ATRNL1: variants seen among roughly 807,000 people sequenced by gnomAD.
ATRNL1 encodes the protein attractin like 1, also known as attractin-like protein 1.
In ATRNL1, 95 loss-of-function variants were observed where a neutral mutation model predicts 182.7. That is an observed-to-expected ratio of 0.52 (90% CI 0.44 to 0.62). The LOEUF is 0.62. Among genes scored for constraint, ATRNL1 ranks in the 20% least tolerant of loss-of-function variants. The pLI is 0.00. For missense variants in ATRNL1, 1,471 were observed against 1,679.5 expected (o/e 0.88, Z 2.17); for synonymous variants, 576 against 568.3 (o/e 1.01, Z -0.19).
At chr10:115,532,895 T>G (rs1554988805) in intron 25 of ATRNL1, among the ~76,000 whole-genome samples, 2 of 152,114 alleles carry the variant, frequency 1.3e-5, no homozygotes, top group African/African-American at 4.8e-5. Context: ...TCTTTGGTTC[T>G]GTTTATATGC....
intron 26 of ATRNL1, among the ~76,000 whole-genome samples, chr10:115,612,922 C>T (rs564607023): frequency 6.6e-6 from 1 of 152,284 alleles, no homozygotes; most frequent in South Asian, 2.1e-4. Flanking sequence ...TCTCCAAAAG[C>T]ATTGCTGATC....
At chr10:115,341,623 A>G (rs1197062665) in intron 19 of ATRNL1, among the ~76,000 whole-genome samples, 1 of 152,114 alleles carries the variant, frequency 6.6e-6, no homozygotes, top group Non-Finnish European at 1.5e-5. Flanking sequence ...ATCTCCAGCT[A>G]TTACTTTATT....
chr10:115,410,787 G>A (rs911791174), intron 20 of ATRNL1, among the ~76,000 whole-genome samples: 9 of 151,898 alleles, frequency 5.9e-5, no homozygotes, highest in Non-Finnish European at 1.5e-5. Flanking sequence ...ATCCAGGCTG[G>A]GGTTCAGTGA....
At chr10:115,804,598 T>C (rs1414213176) in intron 27 of ATRNL1, among the ~76,000 whole-genome samples, 1 of 152,124 alleles carries the variant, frequency 6.6e-6, no homozygotes, top group Non-Finnish European at 1.5e-5. Flanking sequence ...CTGTGAAAAA[T>C]AAACGTTTGT....
At chr10:115,193,475 T>G (rs1848241627) in intron 8 of ATRNL1, among the ~76,000 whole-genome samples, 1 of 151,990 alleles carries the variant, frequency 6.6e-6, no homozygotes, top group African/African-American at 2.4e-5. Flanking sequence ...GTAATGTATC[T>G]GTTTCTTCTG....
intron 28 of ATRNL1, among the ~76,000 whole-genome samples, chr10:115,922,762 T>G (rs1555119006): frequency 6.6e-6 from 1 of 152,220 alleles, no homozygotes; most frequent in African/African-American, 2.4e-5. Context: ...TTTTAAAAAC[T>G]AATAAGAAAA....
At chr10:115,715,136 C>T (rs914637855) in intron 26 of ATRNL1, among the ~76,000 whole-genome samples, 24 of 152,044 alleles carry the variant, frequency 1.6e-4, no homozygotes, top group African/African-American at 5.6e-4. Context: ...CTCAGTTGCC[C>T]CAAGTTTGGA....
At chr10:115,755,212 G>A (rs371144164) in intron 27 of ATRNL1, among the ~76,000 whole-genome samples, 1 of 152,010 alleles carries the variant, frequency 6.6e-6, no homozygotes, top group Non-Finnish European at 1.5e-5. Context: ...CTATGTTGAA[G>A]AGGAGTGGTG....
intron 17 of ATRNL1, among the ~76,000 whole-genome samples, chr10:115,315,305 G>A (rs1554929207): frequency 6.6e-6 from 1 of 151,942 alleles, no homozygotes; most frequent in Non-Finnish European, 1.5e-5. Context: ...TTTCACTCCT[G>A]TGGTGGCCTG....
chr10:115,944,549 C>T (rs1448473718), intron 28 of ATRNL1, 109 bp from the exon 29 acceptor site: 5 of 898,444 alleles, frequency 5.6e-6, no homozygotes, highest in African/African-American at 1.7e-5. Context: ...AACAGCCAAA[C>T]GTGTGATGAC....
At position 115,106,167 on chromosome 10, in the gene ATRNL1, C is replaced by T. The variant is rs543497194; in HGVS notation, c.293+12124C>T. Among the ~76,000 whole-genome samples, 9 of 152,280 alleles carry T rather than the reference C, an allele frequency of 5.9e-5. No individual in the cohort carries two copies. The East Asian group carries it at 9.7e-4, about 16-fold the overall frequency. On this transcript the variant is annotated intron_variant, in intron 1 of 28. Transcript: ENST00000355044. The stretch of plus-strand genomic sequence containing the variant: ...GCATCAGCATGACCTAGATGAGAGA[C>T]CTGGAGTCAAAGGAGATCATTTTGG...
At chr10:115,844,997 A>G (rs1242916511) in intron 27 of ATRNL1, among the ~76,000 whole-genome samples, 1 of 150,086 alleles carries the variant, frequency 6.7e-6, no homozygotes, top group African/African-American at 2.5e-5. Flanking sequence ...CAAGTGCTAT[A>G]AAGAGATGTT....
intron 20 of ATRNL1, among the ~76,000 whole-genome samples, chr10:115,398,960 A>T (rs1554956262): frequency 6.6e-6 from 1 of 152,120 alleles, no homozygotes; most frequent in Non-Finnish European, 1.5e-5. Flanking sequence ...CTATTGAGAT[A>T]ATCATGTGCT....
In ATRNL1 at chr10:115,144,050, G is replaced by C. The variant is rs1455961012; in HGVS notation, c.829+14515G>C. 6.6e-5 allele frequency among the ~76,000 whole-genome samples: 10 copies of C among 151,050 alleles called. No homozygotes were observed. The East Asian group carries it at 9.7e-4, about 15-fold the overall frequency. On this transcript the variant is annotated intron_variant, in intron 5 of 28. Coordinates refer to ENST00000355044, the MANE Select transcript of ATRNL1 (RefSeq NM_207303.4). ...GGCTGGAGTGCAGTGGGCTATCTTG[G>C]CTCACTGCAACCTCTGCCTCCCAGT...
chr10:115,216,752 AG>A (rs1849250477), intron 9 of ATRNL1, among the ~76,000 whole-genome samples: 1 of 151,982 alleles, frequency 6.6e-6, no homozygotes, highest in African/African-American at 2.4e-5. Context: ...ATGTGATCAA[AG>A]GAAATACACA....
chr10:115,931,717 C>T (rs990309055), intron 28 of ATRNL1, among the ~76,000 whole-genome samples: 4 of 152,182 alleles, frequency 2.6e-5, no homozygotes, highest in Middle Eastern at 3.2e-3. Flanking sequence ...CATCTCTCCC[C>T]GCAAATGACA....
At chr10:115,328,511 C>T (rs139212489) in intron 18 of ATRNL1, among the ~76,000 whole-genome samples, 1 of 152,092 alleles carries the variant, frequency 6.6e-6, no homozygotes. Flanking sequence ...TTCTTGTACT[C>T]TATTGCATCA....
chr10:115,255,722 C>A (rs546213778), intron 10 of ATRNL1, among the ~76,000 whole-genome samples: 1 of 152,226 alleles, frequency 6.6e-6, no homozygotes, highest in South Asian at 2.1e-4. Flanking sequence ...TGCCAGTTTT[C>A]AAAGGGAATG....
intron 8 of ATRNL1, among the ~76,000 whole-genome samples, chr10:115,198,037 A>C (rs543210163): frequency 2.2e-4 from 33 of 152,240 alleles, no homozygotes; most frequent in African/African-American, 7.5e-4. Flanking sequence ...TGTATACCCA[A>C]TAGTGAAATT....
Sources: gnomAD v4.1 joint callset for allele counts (sites outside exome capture counted in the v4.1 genomes callset) on GRCh38, gnomAD v4.1.1 for gene constraint, MANE v1.5 for transcripts, NCBI Gene and HGNC (gene_info 2026-07-23, HGNC 2026-07-21) for gene names.